TBCA: variants seen among roughly 807,000 people sequenced by gnomAD.
TBCA encodes tubulin-specific chaperone A.
TBCA carries 6 observed loss-of-function variants against 15.8 expected under a neutral mutation model. The ratio of observed to expected loss-of-function variants is 0.38; its 90% CI spans 0.21 to 0.75. The LOEUF (loss-of-function observed/expected upper bound fraction) is 0.75. Ranked by LOEUF, TBCA falls within the 30% of genes least tolerant of loss-of-function variation. The pLI is 0.46. For missense variants in TBCA, 90 were observed against 131.2 expected, an observed-to-expected ratio of 0.69 and a Z score of 1.53; for synonymous variants, 32 against 42.3, an observed-to-expected ratio of 0.76 and a Z score of 0.94.
At chr5:77,775,799 A>T (rs1272025193) in intron 1 of TBCA, among the ~76,000 whole-genome samples, 5 of 152,142 alleles carry the variant, frequency 3.3e-5, no homozygotes, top group Non-Finnish European at 5.9e-5. Flanking sequence ...TTTCAAGCCC[A>T]TTTGAGAGCA....
chr5:77,731,756 T>A (rs1398350355), intron 1 of TBCA, among the ~76,000 whole-genome samples: 2 of 152,224 alleles, frequency 1.3e-5, no homozygotes, highest in Non-Finnish European at 1.5e-5. Flanking sequence ...AATATCTATA[T>A]AATCGCCTAT....
In TBCA at chr5:77,766,695, G is replaced by A. The variant is rs1264827109; in HGVS notation, c.53+9510C>T. On this transcript the variant is annotated intron_variant, in intron 1 of 3. Coordinates refer to ENST00000380377, the MANE Select transcript of TBCA (RefSeq NM_004607.3). Reference sequence around the variant, plus strand: ...CGGCTAATTTTTTGTATTTTTAGTAGAGACGGGGTTTCACCGTGGTCTCGA... The same window carrying A: ...CGGCTAATTTTTTGTATTTTTAGTAAAGACGGGGTTTCACCGTGGTCTCGA... 1.2e-4 allele frequency among the ~76,000 whole-genome samples: 5 copies of A among 40,330 alleles called. 2 individuals are homozygous for A. The highest frequency in any genetic ancestry group is 2.6e-4 in the Non-Finnish European group (5 of 18,996). The allele number at this position is 40,330 out of a possible 152,430, so 26.5% of individuals were successfully genotyped here. A position where few individuals can be genotyped will look rare whatever the true frequency, so the allele number is the denominator to read the frequency against.
intron 1 of TBCA, among the ~76,000 whole-genome samples, chr5:77,744,684 C>T (rs893513161): frequency 1.4e-4 from 21 of 151,926 alleles, no homozygotes; most frequent in African/African-American, 5.1e-4. Flanking sequence ...TACAGGCATC[C>T]ACCACTATGC....
intron 1 of TBCA, chr5:77,708,548 G>A (rs554797502): frequency 1.9e-5 from 7 of 361,356 alleles, no homozygotes; most frequent in South Asian, 1.3e-4. Context: ...CCTGCCTAAC[G>A]TAAGTGCAAT....
intron 1 of TBCA, among the ~76,000 whole-genome samples, chr5:77,731,861 G>A (rs143266811): frequency 6.6e-6 from 1 of 152,148 alleles, no homozygotes; most frequent in African/African-American, 2.4e-5. Flanking sequence ...AGAGTTAATA[G>A]TTAAAGAGGA....
intron 2 of TBCA, among the ~76,000 whole-genome samples, chr5:77,701,847 T>C (rs1454290810): frequency 2.0e-5 from 3 of 151,438 alleles, no homozygotes; most frequent in Non-Finnish European, 4.4e-5. Flanking sequence ...GATGGAATAC[T>C]ACCTCAGCCA....
At chr5:77,745,377 G>A (rs897768564) in intron 1 of TBCA, among the ~76,000 whole-genome samples, 9 of 152,172 alleles carry the variant, frequency 5.9e-5, no homozygotes, top group Non-Finnish European at 1.0e-4. Context: ...AAGAAATGCT[G>A]TAATATTTAT....
intron 1 of TBCA, among the ~76,000 whole-genome samples, chr5:77,750,625 G>A (rs1241304899): frequency 6.6e-6 from 1 of 151,984 alleles, no homozygotes; most frequent in Non-Finnish European, 1.5e-5. Context: ...CTATTGAAAA[G>A]AAAAAAATAG....
intron 2 of TBCA, among the ~76,000 whole-genome samples, chr5:77,706,775 C>CACTCCAGCCTGGGTGACACAGCAAG (rs1746159295): frequency 7.1e-6 from 1 of 141,722 alleles, no homozygotes; most frequent in Non-Finnish European, 1.5e-5. Context: ...TGCACCACTG[C>CACTCCAGCCTGGGTGACACAGCAAG]ACTCCAGCCT....
chr5:77,722,237 T>C (rs981799755), intron 1 of TBCA, among the ~76,000 whole-genome samples: 1 of 151,982 alleles, frequency 6.6e-6, no homozygotes, highest in Non-Finnish European at 1.5e-5. Flanking sequence ...ACTGTAACAT[T>C]TGGGATTAAA....
chr5:77,692,414 T>C (rs955304969), intron 3 of TBCA: 85 of 975,708 alleles, frequency 8.7e-5, no homozygotes, highest in Non-Finnish European at 1.0e-4. Flanking sequence ...CATCTTCACA[T>C]ACAAATATAT....
At chr5:77,770,408 C>T (rs927440696) in intron 1 of TBCA, among the ~76,000 whole-genome samples, 6 of 152,180 alleles carry the variant, frequency 3.9e-5, no homozygotes, top group Non-Finnish European at 7.4e-5. Context: ...AAATAAATCA[C>T]AGAACACATA....
intron 3 of TBCA, chr5:77,692,416 C>A (rs1309648786): frequency 1.0e-6 from 1 of 974,030 alleles, no homozygotes. Context: ...TCTTCACATA[C>A]AAATATATCA....
At chr5:77,723,696 C>T (rs925010817) in intron 1 of TBCA, among the ~76,000 whole-genome samples, 5 of 151,794 alleles carry the variant, frequency 3.3e-5, no homozygotes, top group African/African-American at 4.8e-5. Flanking sequence ...TAGTCACTGT[C>T]GCCTGTCAAC....
At chr5:77,750,131 G>GCTCT (rs146241816) in intron 1 of TBCA, among the ~76,000 whole-genome samples, 45,309 of 143,768 alleles carry the variant, frequency 0.32, 8,507 homozygotes, top group Non-Finnish European at 0.41. Flanking sequence ...GCAAATTTGT[G>GCTCT]CTCTCTCTCT....
At chr5:77,754,306 C>G (rs768417456) in intron 1 of TBCA, among the ~76,000 whole-genome samples, 8 of 152,124 alleles carry the variant, frequency 5.3e-5, no homozygotes. Flanking sequence ...CTTCCTGGTC[C>G]CTTTTACCTT....
At position 77,763,533 on chromosome 5, in the gene TBCA, C is replaced by T. The variant is rs536161917; in HGVS notation, c.53+12672G>A. On this transcript the variant is annotated intron_variant, in intron 1 of 3. Transcript: ENST00000380377. ...TCATATATCTTAACGTTCAATGTAA[C>T]GCTATTAGGAGATGGGGTCTTTGGA... Among the ~76,000 whole-genome samples the T allele has an allele frequency of 6.6e-5, 10 of 152,250 alleles. No individual in the cohort carries two copies. The East Asian group carries it at 9.7e-4, about 15-fold the overall frequency.
At chr5:77,734,421 A>T (rs566520609) in intron 1 of TBCA, among the ~76,000 whole-genome samples, 1 of 152,220 alleles carries the variant, frequency 6.6e-6, no homozygotes, top group African/African-American at 2.4e-5. Flanking sequence ...CAAAATATCA[A>T]TATTAGCAAG....
intron 1 of TBCA, among the ~76,000 whole-genome samples, chr5:77,771,211 A>G (rs533033530): frequency 3.1e-4 from 45 of 144,634 alleles, no homozygotes; most frequent in African/African-American, 9.4e-4. Context: ...AGTCCTCAGG[A>G]AAAAAAAAAA....
Sources: gnomAD v4.1 joint callset for allele counts (sites outside exome capture counted in the v4.1 genomes callset) on GRCh38, gnomAD v4.1.1 for gene constraint, MANE v1.5 for transcripts, NCBI Gene and HGNC (gene_info 2026-07-23, HGNC 2026-07-21) for gene names.